Variants in TECRL observed in about 807,000 individuals in gnomAD.
TECRL encodes the protein trans-2,3-enoyl-CoA reductase-like.
TECRL carries 63 observed loss-of-function variants against 52.8 expected under a neutral mutation model. That is an observed-to-expected ratio of 1.19 (90% confidence interval 0.97 to 1.47). The LOEUF (loss-of-function observed/expected upper bound fraction) is 1.47. Among genes scored for constraint, TECRL ranks in the 40% most tolerant of loss-of-function variants. The pLI is 0.00. For missense variants in TECRL, 482 were observed against 429.6 expected (o/e 1.12, Z -1.08); for synonymous variants, 164 against 141.9 (o/e 1.16, Z -1.10).
chr4:64,379,082 C>T (rs1183820824), intron 1 of TECRL, among the ~76,000 whole-genome samples: 9 of 151,680 alleles, frequency 5.9e-5, no homozygotes, highest in African/African-American at 2.2e-4. Flanking sequence ...TAAAAATTAA[C>T]ATATAAATTG....
At chr4:64,289,186 T>C (rs909083754) in intron 9 of TECRL, among the ~76,000 whole-genome samples, 1 of 152,222 alleles carries the variant, frequency 6.6e-6, no homozygotes, top group East Asian at 1.9e-4. Context: ...TTAAAATTCA[T>C]AGTTCAAAAC....
intron 1 of TECRL, among the ~76,000 whole-genome samples, chr4:64,405,016 C>CA (rs1420452920): frequency 6.6e-6 from 1 of 151,602 alleles, no homozygotes; most frequent in Non-Finnish European, 1.5e-5. Context: ...GTAAAACAAA[C>CA]AAACAATCTG....
chr4:64,357,251 T>A (rs536989575), intron 2 of TECRL, among the ~76,000 whole-genome samples: 20 of 152,082 alleles, frequency 1.3e-4, no homozygotes, highest in Non-Finnish European at 2.7e-4. Context: ...AAGATAAGAA[T>A]TGTATACAGC....
At chr4:64,314,082 G>A (rs1430279180) in intron 5 of TECRL, among the ~76,000 whole-genome samples, 2 of 151,232 alleles carry the variant, frequency 1.3e-5, no homozygotes, top group African/African-American at 2.4e-5. Flanking sequence ...CCCGGGAGGC[G>A]GAGCGTGCAG....
rs75679469 is a variant in TECRL, at chr4:64,330,528, C to T, written c.287-1972G>A. On this transcript the variant is annotated intron_variant, in intron 2 of 11. Transcript: ENST00000381210. ...GTTAAACTTTAATTAATCAGCTGAGCGTGGTGGTTCACACCTGTAATCACA... is the reference window on the plus strand; with the variant it reads ...GTTAAACTTTAATTAATCAGCTGAGTGTGGTGGTTCACACCTGTAATCACA... Among the ~76,000 whole-genome samples the T allele has an allele frequency of 8.9e-3, 1,355 of 152,086 alleles. 16 individuals carry two copies. The highest frequency in any genetic ancestry group is 0.031 in the African/African-American group (1,283 of 41,532).
intron 8 of TECRL, among the ~76,000 whole-genome samples, chr4:64,298,604 A>G (rs970217081): frequency 7.3e-5 from 11 of 151,244 alleles, no homozygotes; most frequent in South Asian, 6.2e-4. Context: ...GAATAAATAC[A>G]TACATAGCCA....
intron 2 of TECRL, among the ~76,000 whole-genome samples, chr4:64,339,639 A>G (rs571871487): frequency 2.0e-5 from 3 of 152,100 alleles, no homozygotes; most frequent in Admixed American, 2.0e-4. Context: ...TTTTAACATC[A>G]CTTTAATTTT....
intron 1 of TECRL, among the ~76,000 whole-genome samples, chr4:64,380,178 T>C (rs1265604556): frequency 2.0e-5 from 3 of 152,120 alleles, no homozygotes; most frequent in Non-Finnish European, 2.9e-5. Context: ...ATATATCTGT[T>C]GGCCATTTGT....
Position 64,398,539 on chromosome 4 carries a change from A to G in TECRL, c.234+10579T>C, listed in dbSNP as rs74657080. Among the ~76,000 whole-genome samples, 1,383 of 152,234 alleles carry G rather than the reference A, an allele frequency of 9.1e-3. 17 individuals carry two copies. The highest frequency in any genetic ancestry group is 0.031 in the African/African-American group (1,267 of 41,526). On this transcript the variant is annotated intron_variant, in intron 1 of 11. Transcript: ENST00000381210. The stretch of plus-strand genomic sequence containing the variant: ...CTGCTCCCTCTTCACCTTCTGTCTA[A>G]TTGTAAGATTCCTGAGGCCTCCCCA...
intron 4 of TECRL, among the ~76,000 whole-genome samples, chr4:64,318,470 C>T (rs920656359): frequency 2.6e-5 from 4 of 151,552 alleles, no homozygotes; most frequent in East Asian, 1.9e-4. Flanking sequence ...TGTGTGTGTG[C>T]GCATGAACAC....
At chr4:64,291,022 A>C (rs922176138) in intron 8 of TECRL, among the ~76,000 whole-genome samples, 2 of 152,060 alleles carry the variant, frequency 1.3e-5, no homozygotes. Context: ...TTTTAAGTTG[A>C]AATTTTTACA....
At chr4:64,333,046 C>T (rs1368164099) in intron 2 of TECRL, among the ~76,000 whole-genome samples, 1 of 151,686 alleles carries the variant, frequency 6.6e-6, no homozygotes, top group Admixed American at 6.6e-5. Flanking sequence ...TACACATACA[C>T]ATATATTGAT....
chr4:64,331,485 T>C (rs572261879), intron 2 of TECRL, among the ~76,000 whole-genome samples: 1 of 152,038 alleles, frequency 6.6e-6, no homozygotes, highest in African/African-American at 2.4e-5. Context: ...TTAAAAATCA[T>C]ATAAAAACTA....
At chr4:64,351,541 G>A (rs1007265254) in intron 2 of TECRL, among the ~76,000 whole-genome samples, 2 of 151,974 alleles carry the variant, frequency 1.3e-5, no homozygotes, top group Non-Finnish European at 2.9e-5. Flanking sequence ...CCAAAGTTCT[G>A]GGATTACAAG....
downstream of TECRL, among the ~76,000 whole-genome samples, chr4:64,277,282 A>G (rs1722605419): frequency 6.6e-6 from 1 of 151,894 alleles, no homozygotes; most frequent in South Asian, 2.1e-4. Flanking sequence ...TTCCTAGGTT[A>G]CTATTTGTCA....
chr4:64,324,325 A>C (rs1718106627), intron 3 of TECRL, among the ~76,000 whole-genome samples: 1 of 152,056 alleles, frequency 6.6e-6, no homozygotes. Flanking sequence ...TATACCAAGC[A>C]GGAAGAAAAA....
At position 64,314,590 on chromosome 4, in the gene TECRL, GGTGTGTGTGTGTGTGT is replaced by G. The variant is rs5858876; in HGVS notation, c.551+42_551+57del. Reference sequence around the variant, plus strand: ...AGTTCATCCCCTCCTTAACGTGTATGGTGTGTGTGTGTGTGTGTGTGTGTGTGTGTGTGTGTGTGTG... The same window carrying G: ...AGTTCATCCCCTCCTTAACGTGTATGGTGTGTGTGTGTGTGTGTGTGTGTG... On this transcript the variant is annotated intron_variant, in intron 5 of 11. Transcript: ENST00000381210. 5.7e-3 allele frequency: 4,260 copies of G among 744,468 alleles called. 18 individuals are homozygous for G. Among genetic ancestry groups the G allele is most frequent in the African/African-American group, 0.026 (1,404 of 53,578 alleles). 46.1% of individuals were successfully genotyped at this position (744,468 alleles called of 1,614,324 possible).
At chr4:64,345,509 A>T (rs1036423935) in intron 2 of TECRL, among the ~76,000 whole-genome samples, 3 of 131,382 alleles carry the variant, frequency 2.3e-5, no homozygotes, top group African/African-American at 8.7e-5. Flanking sequence ...ATGAGAACAC[A>T]TGGACACAGG....
At chr4:64,287,554 C>T (rs2109939935) in intron 9 of TECRL, among the ~76,000 whole-genome samples, 1 of 152,076 alleles carries the variant, frequency 6.6e-6, no homozygotes, top group Non-Finnish European at 1.5e-5. Flanking sequence ...GTAATTGAGC[C>T]TAAATGAGAT....
Sources: gnomAD v4.1 joint callset for allele counts (sites outside exome capture counted in the v4.1 genomes callset) on GRCh38, gnomAD v4.1.1 for gene constraint, MANE v1.5 for transcripts, NCBI Gene and HGNC (gene_info 2026-07-23, HGNC 2026-07-21) for gene names.